Variants in GASK1A observed in about 807,000 individuals in gnomAD.
The protein encoded by GASK1A is Golgi-associated kinase 1A.
A neutral mutation model predicts 41.2 loss-of-function variants in GASK1A; 40 were observed. The ratio of observed to expected loss-of-function variants is 0.97; its 90% CI spans 0.75 to 1.27. The LOEUF (loss-of-function observed/expected upper bound fraction) is 1.27. Among genes scored for constraint, GASK1A ranks in the 50% most tolerant of loss-of-function variants. The pLI is 0.00. For missense variants in GASK1A, 678 were observed against 745.1 expected (o/e 0.91, Z 1.05); for synonymous variants, 316 against 307.1 (o/e 1.03, Z -0.30).
chr3:43,010,014 G>T (rs2089455480), intron 1 of GASK1A, among the ~76,000 whole-genome samples: 1 of 152,194 alleles, frequency 6.6e-6, no homozygotes, highest in South Asian at 2.1e-4. Flanking sequence ...TTGTAATGCA[G>T]CACAATTTTT....
Position 43,033,296 on chromosome 3 carries a change from C to T in GASK1A, c.1033C>T (p.Pro345Ser), listed in dbSNP as rs1389929467. 1.3e-6 allele frequency: 2 copies of T among 1,551,264 alleles called. No homozygotes were observed. Among genetic ancestry groups the T allele is most frequent in the African/African-American group, 2.7e-5 (2 of 73,062 alleles). The part of the protein sequence containing the change: ...DRVLGLRRSL[P>S]AVARRFHSPL... ...TGTGCTGGGGCTGCGCCGGAGCCTACCTGCTGTGGCCCGCCGCTTCCATAG... is the reference window on the plus strand; with the variant it reads ...TGTGCTGGGGCTGCGCCGGAGCCTATCTGCTGTGGCCCGCCGCTTCCATAG... The change falls in exon 2 of 5, where the codon CCT becomes TCT. Residue 345 changes from proline (P) to serine (S), a missense_variant. Transcript: ENST00000430121.
At chr3:43,030,195 CAA>C (rs1217962164) in intron 1 of GASK1A, among the ~76,000 whole-genome samples, 3 of 152,200 alleles carry the variant, frequency 2.0e-5, no homozygotes. Context: ...TTAGTAGAGA[CAA>C]AGTTTCGCCA....
intron 2 of GASK1A, among the ~76,000 whole-genome samples, chr3:43,044,873 C>T (rs899382532): frequency 9.9e-5 from 15 of 152,046 alleles, no homozygotes; most frequent in African/African-American, 2.9e-4. Context: ...CAAAGTCTGG[C>T]GGAGTCAAAG....
In GASK1A at chr3:43,056,238, C is replaced by G; in HGVS notation, c.1580C>G (p.Ser527Trp). The change falls in exon 5 of 5, where the codon TCG (serine) becomes TGG (tryptophan). Residue 527 changes from serine (S) to tryptophan (W), a missense_variant. Transcript: ENST00000430121. ...TGTCTACAGAACATGCTGCTGAAGT[C>G]GCTGCAGATGGACCCAGTGTTCTGG... ...SGCLQNMLLK[S>W]LQMDPVFWES... 1.3e-6 allele frequency: 2 copies of G among 1,551,678 alleles called. No individual in the cohort carries two copies. The highest frequency in any genetic ancestry group is 1.7e-4 in the Middle Eastern group (1 of 5,988).
At chr3:43,026,146 AAGTTTAG>A (rs2089546065) in intron 1 of GASK1A, among the ~76,000 whole-genome samples, 1 of 152,174 alleles carries the variant, frequency 6.6e-6, no homozygotes. Flanking sequence ...GGATGGGGGC[AAGTTTAG>A]TGGCTCAGAG....
At chr3:43,045,563 T>A (rs1423356264) in intron 2 of GASK1A, among the ~76,000 whole-genome samples, 1 of 152,196 alleles carries the variant, frequency 6.6e-6, no homozygotes, top group African/African-American at 2.4e-5. Context: ...TACTCTCTGG[T>A]CCTTTATAGA....
chr3:42,983,168 C>G (rs535513994), intron 1 of GASK1A, among the ~76,000 whole-genome samples: 2 of 152,098 alleles, frequency 1.3e-5, no homozygotes, highest in Admixed American at 6.6e-5. Flanking sequence ...GCTAGGTCAC[C>G]GTGTGGCTCT....
chr3:43,033,695 A>G, intron 2 of GASK1A, 142 bp downstream of exon 2: 1 of 736,766 alleles, frequency 1.4e-6, no homozygotes, highest in Non-Finnish European at 2.0e-6. Context: ...TGCTTTTGTA[A>G]TTTTCCTGCC....
Position 42,984,266 on chromosome 3 carries a change from C to T in GASK1A, c.3+4621C>T, listed in dbSNP as rs2089296433. Among the ~76,000 whole-genome samples, 1 of 151,638 alleles carries T rather than the reference C, an allele frequency of 6.6e-6. No homozygotes were observed. Among genetic ancestry groups the T allele is most frequent in the South Asian group, 2.1e-4 (1 of 4,772 alleles). On this transcript the variant is annotated intron_variant, in intron 1 of 4. Coordinates refer to ENST00000430121, the MANE Select transcript of GASK1A (RefSeq NM_001129908.3). The surrounding 1 kb of genome is among the most constrained non-coding windows in gnomAD (Gnocchi z 4.2). Reference sequence around the variant, plus strand: ...GCCATGATTGTGGGAAAATCCCAGGCCGCCCTTCTTTATGTGGATTTCACT... The same window carrying T: ...GCCATGATTGTGGGAAAATCCCAGGTCGCCCTTCTTTATGTGGATTTCACT...
chr3:42,984,614 C>T lies in GASK1A; in HGVS notation c.3+4969C>T, dbSNP rs2089299291. 6.6e-6 allele frequency among the ~76,000 whole-genome samples: 1 copy of T among 152,188 alleles called. No homozygotes were observed. The highest frequency in any genetic ancestry group is 1.5e-5 in the Non-Finnish European group (1 of 68,038). ...AAACAGCAGGAGTATAACTGAAATG[C>T]AGATTCAGTCACTCACCACTTGTAG... On this transcript the variant is annotated intron_variant, in intron 1 of 4. Transcript: ENST00000430121. This position sits in a 1 kb window ranked among gnomAD's most constrained non-coding sequence, Gnocchi z 4.2.
intron 1 of GASK1A, among the ~76,000 whole-genome samples, chr3:43,021,071 GA>G (rs1244595891): frequency 2.0e-5 from 3 of 152,128 alleles, no homozygotes; most frequent in African/African-American, 7.2e-5. Flanking sequence ...TACCCTTGTG[GA>G]GGCAATGGCA....
intron 2 of GASK1A, among the ~76,000 whole-genome samples, chr3:43,045,733 C>T (rs2089658818): frequency 6.6e-6 from 1 of 152,124 alleles, no homozygotes. Context: ...TTGTAATCCC[C>T]ATAATCCCTA....
intron 1 of GASK1A, among the ~76,000 whole-genome samples, chr3:42,994,595 A>G (rs2089359699): frequency 1.3e-5 from 2 of 151,982 alleles, no homozygotes; most frequent in Non-Finnish European, 1.5e-5. Flanking sequence ...CATTCGGTAG[A>G]CAAGCAGAAC....
chr3:43,032,011 A>G (rs1286464543), intron 1 of GASK1A, among the ~76,000 whole-genome samples: 4 of 152,234 alleles, frequency 2.6e-5, no homozygotes, highest in African/African-American at 9.6e-5. Context: ...AGAATAAGAC[A>G]GAAGAGCATG....
At chr3:43,008,748 C>A (rs560733494) in intron 1 of GASK1A, among the ~76,000 whole-genome samples, 1 of 152,282 alleles carries the variant, frequency 6.6e-6, no homozygotes, top group African/African-American at 2.4e-5. Context: ...AGCAGCAGAG[C>A]AGGGAGTCAG....
intron 1 of GASK1A, among the ~76,000 whole-genome samples, chr3:42,997,261 G>C (rs2089380452): frequency 6.6e-6 from 1 of 152,188 alleles, no homozygotes; most frequent in Non-Finnish European, 1.5e-5. Flanking sequence ...AAGTGTCTGG[G>C]GTTGAGTTGC....
At chr3:43,038,677 T>G (rs2089617829) in intron 2 of GASK1A, among the ~76,000 whole-genome samples, 2 of 152,194 alleles carry the variant, frequency 1.3e-5, no homozygotes, top group African/African-American at 4.8e-5. Flanking sequence ...AAGAATTTAG[T>G]AGAAGCAGGT....
chr3:42,997,244 G>A (rs990933649), intron 1 of GASK1A, among the ~76,000 whole-genome samples: 17 of 152,202 alleles, frequency 1.1e-4, no homozygotes, highest in Non-Finnish European at 2.1e-4. Context: ...ACATAGTTTT[G>A]TGTGTGAAGT....
intron 1 of GASK1A, among the ~76,000 whole-genome samples, chr3:42,992,773 G>C (rs539664128): frequency 2.6e-5 from 4 of 152,302 alleles, no homozygotes; most frequent in African/African-American, 9.6e-5. Context: ...AATTTAAAAG[G>C]GTTTAATTGA....
Sources: allele counts gnomAD v4.1 joint callset (sites outside exome capture counted in the v4.1 genomes callset), GRCh38; gene constraint gnomAD v4.1.1; non-coding constraint Gnocchi (gnomAD v3.1); transcripts MANE v1.5; gene names NCBI Gene and HGNC (gene_info 2026-07-23, HGNC 2026-07-21).